Variants in TBC1D31 observed in about 807,000 individuals in gnomAD.
TBC1D31 encodes TBC1 domain family member 31.
A neutral mutation model predicts 132.9 loss-of-function variants in TBC1D31; 99 were observed. The observed-to-expected ratio is 0.74, with a 90% CI of 0.63 to 0.88. The LOEUF is 0.88. TBC1D31 is among the 40% of genes least tolerant of loss of function. TBC1D31 has a pLI of 0.00. For synonymous variants in TBC1D31, 385 were observed against 419.4 expected (o/e 0.92, Z 1.00); for missense variants, 1,134 against 1,256.6 (o/e 0.90, Z 1.48).
chr8:123,120,013 T>A lies in TBC1D31; in HGVS notation c.1437-42T>A, dbSNP rs1358409538. On this transcript the variant is annotated intron_variant, in intron 10 of 21. Transcript: ENST00000287380. ...AAATTTTTATCATGTGAAGATATTA[T>A]TTATTCAAATAAATTTTAATGCTAA... is the stretch of plus-strand genomic sequence containing the variant. 9.5e-6 allele frequency: 14 copies of A among 1,472,134 alleles called. 1 individual carries two copies. The South Asian group carries it at 1.9e-4, about 20-fold the overall frequency. The allele number at this position is 1,472,134 out of a possible 1,614,324, so 91.2% of individuals were successfully genotyped here.
chr8:123,157,698 AACAC>A, the TBC1D31 span, among the ~76,000 whole-genome samples: 3 of 140,898 alleles, frequency 2.1e-5, no homozygotes. Flanking sequence ...ACGATTGGAA[AACAC>A]ACACGGGCGC....
At chr8:123,090,334 T>G (rs7814110) in intron 4 of TBC1D31, among the ~76,000 whole-genome samples, 2 of 152,198 alleles carry the variant, frequency 1.3e-5, no homozygotes, top group African/African-American at 4.8e-5. Context: ...TTATCTAAAG[T>G]CTTACTGCTT....
the TBC1D31 span, among the ~76,000 whole-genome samples, chr8:123,159,352 G>C: frequency 6.6e-6 from 1 of 151,668 alleles, no homozygotes; most frequent in East Asian, 1.9e-4. Context: ...CAGGCATAAT[G>C]GTCTGTCCAG....
intron 8 of TBC1D31, among the ~76,000 whole-genome samples, chr8:123,108,723 T>C (rs1232394008): frequency 6.6e-6 from 1 of 152,170 alleles, no homozygotes; most frequent in Admixed American, 6.5e-5. Context: ...CCATAAAGAA[T>C]ACTACCTGAG....
intron 18 of TBC1D31, among the ~76,000 whole-genome samples, chr8:123,141,848 T>TC (rs1821727836): frequency 1.0e-5 from 1 of 98,526 alleles, no homozygotes; most frequent in Admixed American, 1.1e-4. Flanking sequence ...AGAGCTCTTT[T>TC]TTTTTTTTTT....
At chr8:123,092,544 A>G (rs1449868616) in intron 4 of TBC1D31, among the ~76,000 whole-genome samples, 7 of 152,204 alleles carry the variant, frequency 4.6e-5, no homozygotes, top group African/African-American at 1.2e-4. Context: ...TGGTGAAAGT[A>G]TAGGGAAAAG....
downstream of TBC1D31, among the ~76,000 whole-genome samples, chr8:123,152,864 C>G (rs1822888343): frequency 6.6e-6 from 1 of 152,132 alleles, no homozygotes; most frequent in Non-Finnish European, 1.5e-5. Context: ...GAGTGAGACT[C>G]CATCTCAAAA....
At chr8:123,099,875 A>G (rs1817212974) in intron 6 of TBC1D31, among the ~76,000 whole-genome samples, 2 of 152,158 alleles carry the variant, frequency 1.3e-5, no homozygotes, top group Admixed American at 6.5e-5. Context: ...CTCTGTCATA[A>G]TATAGTAGAA....
At chr8:123,129,310 TA>T in intron 15 of TBC1D31, 92 bp downstream of exon 15, 2 of 837,684 alleles carry the variant, frequency 2.4e-6, no homozygotes, top group Non-Finnish European at 3.5e-6. Context: ...GAAACAACAT[TA>T]TATATAGGAT....
intron 2 of TBC1D31, among the ~76,000 whole-genome samples, chr8:123,077,644 C>G (rs112125299): frequency 0.073 from 11,103 of 152,008 alleles, 580 homozygotes; most frequent in Non-Finnish European, 0.11. Flanking sequence ...CTACCGCACC[C>G]AGCCCATAGT....
chr8:123,102,866 C>G (rs1817577613), intron 7 of TBC1D31: 1 of 152,226 alleles, frequency 6.6e-6, no homozygotes, highest in African/African-American at 2.4e-5. Flanking sequence ...AAGTGGTCCC[C>G]AAGCGTAGCG....
At chr8:123,101,102 C>G (rs761756767) in intron 7 of TBC1D31, 95 bp downstream of exon 7, 1 of 943,936 alleles carries the variant, frequency 1.1e-6, no homozygotes, top group Non-Finnish European at 1.6e-6. Context: ...TTCTAACTTA[C>G]CTGGAACTTA....
rs1009615061 is a variant in TBC1D31, at chr8:123,091,771, C to T, written c.520-1820C>T. Among the ~76,000 whole-genome samples, 3 of 152,136 alleles carry T rather than the reference C, an allele frequency of 2.0e-5. No individual in the cohort carries two copies. The South Asian group carries it at 6.2e-4, about 32-fold the overall frequency. On this transcript the variant is annotated intron_variant, in intron 4 of 21. Transcript: ENST00000287380. ...TTACGAGAAAATATTGGTTAATTTC[C>T]GTTAATAATTTTGCATTAACAAAAG... is the stretch of plus-strand genomic sequence containing the variant.
rs35198781 is a variant in TBC1D31, at chr8:123,127,261, A to ATTTTT, written c.1884+596_1884+600dup. Among the ~76,000 whole-genome samples, 13 of 69,914 alleles carry ATTTTT rather than the reference A, an allele frequency of 1.9e-4. 1 individual carries two copies. The highest frequency in any genetic ancestry group is 1.1e-3 in the South Asian group (2 of 1,766). The allele number at this position is 69,914 out of a possible 152,430, so 45.9% of individuals were successfully genotyped here. ...TAATATTGGGGTTTGTGCTTTTTGC[A>ATTTTT]TTTTTTTTTTTTTTTTTTTTTTTTT... On this transcript the variant is annotated intron_variant, in intron 13 of 21. Coordinates refer to ENST00000287380, the MANE Select transcript of TBC1D31 (RefSeq NM_145647.4).
intron 2 of TBC1D31, among the ~76,000 whole-genome samples, chr8:123,080,938 A>G (rs1383921885): frequency 1.3e-5 from 2 of 152,176 alleles, no homozygotes; most frequent in Non-Finnish European, 2.9e-5. Flanking sequence ...ACCCTTCACT[A>G]AAAACATTTG....
intron 1 of TBC1D31, among the ~76,000 whole-genome samples, chr8:123,073,682 A>G (rs932611549): frequency 1.3e-5 from 2 of 151,838 alleles, no homozygotes; most frequent in African/African-American, 4.9e-5. Context: ...TTCTTGTTCT[A>G]GCAGTGATTT....
chr8:123,105,320 T>G lies in TBC1D31; in HGVS notation c.1065T>G (p.Asp355Glu). 1 of 1,587,948 alleles carries G rather than the reference T, an allele frequency of 6.3e-7. No homozygotes were observed. The highest frequency in any genetic ancestry group is 8.6e-7 in the Non-Finnish European group (1 of 1,166,446). Residue 355 changes from aspartate (D) to glutamate (E), a missense_variant, in exon 8 of 22, where the codon GAT becomes GAG. Transcript: ENST00000287380. The stretch of plus-strand genomic sequence containing the variant: ...CGCCTTTAGTGAAAGTTATTGAAGA[T>G]TTGCCCAAGAATAAACTGAGTTCCA... ...PPPPLVKVIE[D>E]LPKNKLSSSD... is the part of the protein sequence containing the mutation.
At chr8:123,131,921 T>C (rs1820671123) in intron 16 of TBC1D31, among the ~76,000 whole-genome samples, 1 of 152,238 alleles carries the variant, frequency 6.6e-6, no homozygotes, top group Non-Finnish European at 1.5e-5. Context: ...TTATCTTCCA[T>C]GTGTAGAATT....
At chr8:123,133,837 G>A (rs1820836785) in intron 16 of TBC1D31, among the ~76,000 whole-genome samples, 1 of 152,204 alleles carries the variant, frequency 6.6e-6, no homozygotes, top group Admixed American at 6.5e-5. Flanking sequence ...ATTGGTTACT[G>A]TAATACTGTA....
Sources: allele counts gnomAD v4.1 joint callset (sites outside exome capture counted in the v4.1 genomes callset), GRCh38; gene constraint gnomAD v4.1.1; transcripts MANE v1.5; gene names NCBI Gene and HGNC (gene_info 2026-07-23, HGNC 2026-07-21).